GIGYF2: variants seen among roughly 807,000 people sequenced by gnomAD.
The protein encoded by GIGYF2 is GRB10-interacting GYF protein 2.
A neutral mutation model predicts 208.1 loss-of-function variants in GIGYF2; 25 were observed. That is an observed-to-expected ratio of 0.12 (90% CI 0.09 to 0.17). The LOEUF (loss-of-function observed/expected upper bound fraction) is 0.17, where lower values mean the gene tolerates loss of function less well. Ranked by LOEUF, GIGYF2 falls within the 10% of genes least tolerant of loss-of-function variation. The probability of loss-of-function intolerance (pLI) is 1.00; values close to 1 mark genes in which losing one functional copy is unlikely to be tolerated. For missense variants in GIGYF2, 1,302 were observed against 1,579.4 expected (o/e 0.82, Z 2.98); for synonymous variants, 534 against 543.8 (o/e 0.98, Z 0.25).
intron 14 of GIGYF2, among the ~76,000 whole-genome samples, chr2:232,800,149 A>AT (rs377337430): frequency 8.8e-5 from 13 of 148,332 alleles, no homozygotes; most frequent in African/African-American, 3.2e-4. Flanking sequence ...CAATTTGTCT[A>AT]TTTTTGCTTT....
intron 28 of GIGYF2, among the ~76,000 whole-genome samples, chr2:232,855,080 CTTTTTTTTTTTTTT>C (rs201395041): frequency 3.7e-5 from 4 of 109,188 alleles, no homozygotes; most frequent in African/African-American, 1.2e-4. Flanking sequence ...CTTTTTCTTT[CTTTTTTTTTTTTTT>C]TTTTTTTTTT....
rs113286156 is a variant in GIGYF2, at chr2:232,816,227, G to T, written c.2208+490G>T. On this transcript the variant is annotated intron_variant, in intron 19 of 28. Coordinates refer to ENST00000373563, the MANE Select transcript of GIGYF2 (RefSeq NM_001103146.3). The stretch of plus-strand genomic sequence containing the variant: ...TTGGAAGAGCTAAATCTTGAATTTT[G>T]GTTTTAGTACTTGCCAGAAAAGAAT... Among the ~76,000 whole-genome samples the T allele has an allele frequency of 7.7e-4, 117 of 152,180 alleles. 1 individual carries two copies. The highest frequency in any genetic ancestry group is 2.3e-3 in the African/African-American group (96 of 41,510).
chr2:232,708,545 T>C (rs1696236952), intron 2 of GIGYF2, among the ~76,000 whole-genome samples: 1 of 152,006 alleles, frequency 6.6e-6, no homozygotes, highest in South Asian at 2.1e-4. Context: ...GTTTGATCTT[T>C]TGTCACTTGG....
chr2:232,762,952 G>A (rs1163536625), intron 8 of GIGYF2, among the ~76,000 whole-genome samples: 2 of 151,988 alleles, frequency 1.3e-5, no homozygotes, highest in Non-Finnish European at 2.9e-5. Flanking sequence ...AGCCCAAGAA[G>A]TCGAGGCTGC....
chr2:232,728,944 TTTTCCTTTTCTC>T (rs570943570), intron 2 of GIGYF2, among the ~76,000 whole-genome samples: 6 of 152,044 alleles, frequency 3.9e-5, no homozygotes, highest in Admixed American at 2.6e-4. Context: ...TTCCTTTTCC[TTTTCCTTTTCTC>T]TTTCCTTTTC....
intron 5 of GIGYF2, among the ~76,000 whole-genome samples, chr2:232,752,486 G>T (rs1253320522): frequency 1.3e-5 from 2 of 152,144 alleles, no homozygotes; most frequent in African/African-American, 4.8e-5. Context: ...CTGCAATTTA[G>T]GTAGCTGTTA....
At chr2:232,816,841 G>A (rs751279199) in intron 19 of GIGYF2, 30 bp from the exon 20 acceptor site, 2 of 1,585,532 alleles carry the variant, frequency 1.3e-6, no homozygotes, top group Non-Finnish European at 1.7e-6. Flanking sequence ...TTGGTTTCAA[G>A]TTTCTAAGAG....
chr2:232,772,414 A>T (rs992736356), intron 8 of GIGYF2, among the ~76,000 whole-genome samples: 1 of 152,246 alleles, frequency 6.6e-6, no homozygotes, highest in Admixed American at 6.5e-5. Flanking sequence ...TAGCTTTAAA[A>T]GTAAGTAAAC....
intron 2 of GIGYF2, among the ~76,000 whole-genome samples, chr2:232,708,108 A>G (rs1696211511): frequency 6.6e-6 from 1 of 151,828 alleles, no homozygotes; most frequent in South Asian, 2.1e-4. Flanking sequence ...GTACAGGCAT[A>G]CACCATTGCA....
chr2:232,739,361 A>AACCCCCC (rs1697873299), intron 3 of GIGYF2, among the ~76,000 whole-genome samples: 1 of 75,596 alleles, frequency 1.3e-5, no homozygotes, highest in Non-Finnish European at 2.5e-5. Flanking sequence ...ACAAAAGCAA[A>AACCCCCC]CCCCCCCCCC....
chr2:232,856,005 A>G (rs1690553578), intron 28 of GIGYF2, among the ~76,000 whole-genome samples: 1 of 151,816 alleles, frequency 6.6e-6, no homozygotes. Context: ...ATCTCGGCTC[A>G]CTGCAAGCTC....
Position 232,815,648 on chromosome 2 carries a change from G to T in GIGYF2, c.2119G>T (p.Gly707Cys). 6.4e-7 allele frequency: 1 copy of T among 1,557,974 alleles called. No homozygotes were observed. The highest frequency in any genetic ancestry group is 1.1e-5 in the South Asian group (1 of 89,970). ...TTGTTGTCTTACAGTTTGGGAAGGT[G>T]GTAGTGTATGGGATCTTCCTCTGGA... The part of the protein sequence containing the change: ...TASQPTVWEG[G>C]SVWDLPLDTT... The change falls in exon 19 of 29, where the codon GGT becomes TGT. Residue 707 changes from glycine to cysteine, a missense_variant. Physicochemically the swap from Gly to Cys is radical, Grantham distance 159 (BLOSUM62 -3). Transcript: ENST00000373563.
chr2:232,854,471 C>T (rs1026277929), intron 28 of GIGYF2, among the ~76,000 whole-genome samples: 2 of 151,878 alleles, frequency 1.3e-5, no homozygotes, highest in East Asian at 1.9e-4. Context: ...CCAGCCTGGG[C>T]GACAGAGTGA....
At chr2:232,757,845 T>G (rs1698609931) in intron 6 of GIGYF2, among the ~76,000 whole-genome samples, 1 of 145,566 alleles carries the variant, frequency 6.9e-6, no homozygotes, top group Non-Finnish European at 1.6e-5. Context: ...GGTTTATGAT[T>G]GAATTTCTCC....
chr2:232,755,894 A>T (rs1698515593), intron 5 of GIGYF2, among the ~76,000 whole-genome samples: 1 of 152,160 alleles, frequency 6.6e-6, no homozygotes, highest in Non-Finnish European at 1.5e-5. Flanking sequence ...TTCTGTATTT[A>T]TTCTGTTATG....
chr2:232,781,287 T>TACACACACACACAC (rs3062047), intron 8 of GIGYF2, among the ~76,000 whole-genome samples: 4,200 of 126,998 alleles, frequency 0.033, 74 homozygotes, highest in East Asian at 0.057. Context: ...ATATCAGGAA[T>TACACACACACACAC]ACACACACAC....
At chr2:232,735,894 CAAT>C in intron 3 of GIGYF2, 5 of 981,852 alleles carry the variant, frequency 5.1e-6, no homozygotes, top group Non-Finnish European at 4.8e-6. Flanking sequence ...TCAGTGGCAT[CAAT>C]AATAATAATT....
intron 27 of GIGYF2, among the ~76,000 whole-genome samples, chr2:232,849,644 A>G (rs1690231232): frequency 6.6e-6 from 1 of 152,062 alleles, no homozygotes; most frequent in African/African-American, 2.4e-5. Context: ...AGCTTTTTCC[A>G]CTTCTCCCCC....
At position 232,768,153 on chromosome 2, in the gene GIGYF2, G is replaced by T. The variant is rs376837580; in HGVS notation, c.532+6717G>T. The T allele has an allele frequency of 6.9e-6, 11 of 1,604,020 alleles. No homozygotes were observed. In the African/African-American group the frequency reaches 1.5e-4, roughly 21 times the overall value. On this transcript the variant is annotated intron_variant, in intron 8 of 28. Coordinates refer to ENST00000373563, the MANE Select transcript of GIGYF2 (RefSeq NM_001103146.3). ...GTAAAGAAAAAGTAGCTGCATAACT[G>T]GCTGGGTGTATTTAATACATTAAAA...
Sources: allele counts gnomAD v4.1 joint callset (sites outside exome capture counted in the v4.1 genomes callset), GRCh38; gene constraint gnomAD v4.1.1; transcripts MANE v1.5; gene names NCBI Gene and HGNC (gene_info 2026-07-23, HGNC 2026-07-21).